Variants in PIK3CB observed in about 807,000 individuals in gnomAD.
PIK3CB encodes the protein phosphatidylinositol-4,5-bisphosphate 3-kinase catalytic subunit beta, also known as phosphatidylinositol 4,5-bisphosphate 3-kinase catalytic subunit beta isoform.
PIK3CB carries 39 observed loss-of-function variants against 136.8 expected under a neutral mutation model. That is an observed-to-expected ratio of 0.29 (90% CI 0.22 to 0.37). PIK3CB has a LOEUF of 0.37. Among genes scored for constraint, PIK3CB ranks in the 10% least tolerant of loss-of-function variants. The probability of loss-of-function intolerance (pLI) is 1.00; values close to 1 mark genes in which losing one functional copy is unlikely to be tolerated. For missense variants in PIK3CB, 868 were observed against 1,275.4 expected (o/e 0.68, Z 4.87); for synonymous variants, 428 against 436.6 (o/e 0.98, Z 0.25).
chr3:138,764,568 C>T (rs1291543643), intron 2 of PIK3CB, among the ~76,000 whole-genome samples: 2 of 152,078 alleles, frequency 1.3e-5, no homozygotes, highest in African/African-American at 4.8e-5. Flanking sequence ...AGTTCGAGAC[C>T]AGCACAGGCA....
chr3:138,665,227 G>C, intron 19 of PIK3CB, 24 bp from the exon 20 acceptor site: 2 of 1,515,016 alleles, frequency 1.3e-6, no homozygotes, highest in South Asian at 1.3e-5. Flanking sequence ...AATGGGCATA[G>C]AGTCATATTT....
At chr3:138,744,361 C>T (rs956433818) in intron 4 of PIK3CB, among the ~76,000 whole-genome samples, 4 of 120,772 alleles carry the variant, frequency 3.3e-5, no homozygotes, top group Non-Finnish European at 6.4e-5. Flanking sequence ...TGTCACTGCA[C>T]TCCAGACTGG....
At chr3:138,782,626 T>C (rs1370084482) in intron 2 of PIK3CB, among the ~76,000 whole-genome samples, 1 of 152,226 alleles carries the variant, frequency 6.6e-6, no homozygotes, top group African/African-American at 2.4e-5. Context: ...TACTAAGTTC[T>C]TTCCAGTGGA....
In PIK3CB at chr3:138,681,994, A is replaced by G; in HGVS notation, c.2477T>C (p.Leu826Pro). The change falls in exon 19 of 24, where the codon CTC becomes CCC. Residue 826 changes from leucine (L) to proline (P), a missense_variant. Physicochemically the swap from Leu to Pro is moderately conservative, Grantham distance 98. Transcript: ENST00000674063. ...AAGATCCAAACCAGCTTCTTTCCAG[A>G]GTAAATCCATCAAGCGCAACATTTG... ...TLQMLRLMDL[L>P]WKEAGLDLRM... is the part of the protein sequence containing the mutation. 1 of 1,611,456 alleles carries G rather than the reference A, an allele frequency of 6.2e-7. No individual in the cohort carries two copies. The highest frequency in any genetic ancestry group is 8.5e-7 in the Non-Finnish European group (1 of 1,179,008).
chr3:138,723,316 C>T (rs900739331), intron 8 of PIK3CB, among the ~76,000 whole-genome samples: 11 of 152,050 alleles, frequency 7.2e-5, no homozygotes, highest in African/African-American at 2.4e-4. Context: ...TTTGGGAGGT[C>T]GAGGTGGGCA....
At chr3:138,828,547 C>T (rs1013841486) in intron 1 of PIK3CB, among the ~76,000 whole-genome samples, 1 of 151,946 alleles carries the variant, frequency 6.6e-6, no homozygotes, top group African/African-American at 2.4e-5. Context: ...AAGACAAGGT[C>T]CCTGCCATCA....
intron 8 of PIK3CB, among the ~76,000 whole-genome samples, chr3:138,719,235 ATTTTTTTT>A (rs34980826): frequency 1.1e-3 from 80 of 69,632 alleles, no homozygotes; most frequent in Admixed American, 2.0e-3. Flanking sequence ...TTAGCTCAGT[ATTTTTTTT>A]TTTTTTTTTT....
intron 1 of PIK3CB, among the ~76,000 whole-genome samples, chr3:138,797,410 C>G (rs886287710): frequency 6.6e-6 from 1 of 152,126 alleles, no homozygotes; most frequent in Admixed American, 6.6e-5. Context: ...AGGGGTCCTG[C>G]GTGACTGCAC....
At chr3:138,725,023 G>A (rs189330698) in intron 8 of PIK3CB, among the ~76,000 whole-genome samples, 3 of 152,182 alleles carry the variant, frequency 2.0e-5, no homozygotes, top group East Asian at 1.9e-4. Flanking sequence ...TGGGGGTAGG[G>A]GGTGTGGGTG....
At chr3:138,784,930 C>A (rs1355101302) in intron 2 of PIK3CB, among the ~76,000 whole-genome samples, 4 of 151,914 alleles carry the variant, frequency 2.6e-5, no homozygotes, top group African/African-American at 7.3e-5. Flanking sequence ...GCCGCCACCC[C>A]GTCTGGGAGG....
intron 3 of PIK3CB, among the ~76,000 whole-genome samples, chr3:138,757,545 ATC>A (rs1285419931): frequency 6.7e-6 from 1 of 149,172 alleles, no homozygotes; most frequent in African/African-American, 2.5e-5. Flanking sequence ...ACAAGATCGT[ATC>A]TCTTAGACAA....
At chr3:138,660,758 A>G (rs960944038) in intron 21 of PIK3CB, among the ~76,000 whole-genome samples, 1 of 152,254 alleles carries the variant, frequency 6.6e-6, no homozygotes, top group Non-Finnish European at 1.5e-5. Flanking sequence ...AGCTCAATTT[A>G]TCAAGTCCAC....
intron 1 of PIK3CB, among the ~76,000 whole-genome samples, chr3:138,817,454 T>G (rs1271530229): frequency 6.6e-6 from 1 of 152,124 alleles, no homozygotes; most frequent in African/African-American, 2.4e-5. Context: ...AGACAGAGGT[T>G]GTGGTGAGCT....
chr3:138,734,856 C>A, intron 6 of PIK3CB, 52 bp from the exon 7 acceptor site: 1 of 1,271,268 alleles, frequency 7.9e-7, no homozygotes. Flanking sequence ...ACACCTAAAT[C>A]AATAGAATAA....
chr3:138,728,753 CTGGG>C (rs2044898986), intron 8 of PIK3CB, among the ~76,000 whole-genome samples: 1 of 150,554 alleles, frequency 6.6e-6, no homozygotes, highest in African/African-American at 2.5e-5. Context: ...GCACTCCAGC[CTGGG>C]TGGCAGAGTG....
intron 12 of PIK3CB, among the ~76,000 whole-genome samples, chr3:138,700,723 A>ATAGG (rs2044233968): frequency 6.6e-6 from 1 of 151,766 alleles, no homozygotes; most frequent in Non-Finnish European, 1.5e-5. Context: ...AGATAGATAG[A>ATAGG]TAGATAGATA....
intron 2 of PIK3CB, among the ~76,000 whole-genome samples, chr3:138,781,969 T>C (rs528260175): frequency 6.6e-6 from 1 of 152,340 alleles, no homozygotes; most frequent in South Asian, 2.1e-4. Context: ...CAACTTTGGT[T>C]ACAAAACTAT....
intron 2 of PIK3CB, among the ~76,000 whole-genome samples, chr3:138,775,413 G>A (rs1248929474): frequency 1.3e-5 from 2 of 152,190 alleles, no homozygotes; most frequent in African/African-American, 4.8e-5. Context: ...GCCTGTACCA[G>A]AGCAGTTAGG....
intron 2 of PIK3CB, among the ~76,000 whole-genome samples, chr3:138,765,900 C>A (rs1185625899): frequency 6.6e-6 from 1 of 152,170 alleles, no homozygotes; most frequent in African/African-American, 2.4e-5. Context: ...AATTACTTAA[C>A]TCAGACATTC....
Sources: gnomAD v4.1 joint callset for allele counts (sites outside exome capture counted in the v4.1 genomes callset) on GRCh38, gnomAD v4.1.1 for gene constraint, MANE v1.5 for transcripts, NCBI Gene and HGNC (gene_info 2026-07-23, HGNC 2026-07-21) for gene names.